The following ELMO1 variants were observed in gnomAD, a reference collection of about 807,000 sequenced individuals.
ELMO1 encodes engulfment and cell motility 1, also known as engulfment and cell motility protein 1.
In ELMO1, 26 loss-of-function variants were observed where a neutral mutation model predicts 98.9. That is an observed-to-expected ratio of 0.26 (90% CI 0.19 to 0.36). The LOEUF is 0.36. Ranked by LOEUF, ELMO1 falls within the 10% of genes least tolerant of loss-of-function variation. ELMO1 has a pLI of 1.00. For synonymous variants in ELMO1, 346 were observed against 346.0 expected (o/e 1.00, Z 0.00); for missense variants, 627 against 935.2 (o/e 0.67, Z 4.30).
At chr7:36,856,423 T>G (rs1265040666) in intron 21 of ELMO1, among the ~76,000 whole-genome samples, 4 of 152,236 alleles carry the variant, frequency 2.6e-5, no homozygotes, top group Non-Finnish European at 4.4e-5. Flanking sequence ...TCTGGGGACC[T>G]CTTTAGCCTT....
intron 1 of ELMO1, among the ~76,000 whole-genome samples, chr7:37,431,459 T>C (rs181306297): frequency 6.6e-6 from 1 of 152,346 alleles, no homozygotes. Flanking sequence ...AAATTTCTAC[T>C]TGATGTGTAT....
At chr7:37,155,838 C>G (rs1788722876) in intron 13 of ELMO1, among the ~76,000 whole-genome samples, 2 of 152,282 alleles carry the variant, frequency 1.3e-5, no homozygotes, top group South Asian at 2.1e-4. Context: ...TAGACATTTA[C>G]AGAACTCTCC....
At chr7:37,119,368 A>G (rs1419541032) in intron 14 of ELMO1, among the ~76,000 whole-genome samples, 1 of 152,222 alleles carries the variant, frequency 6.6e-6, no homozygotes, top group African/African-American at 2.4e-5. Context: ...GAACATAGTA[A>G]AGGCTCAAAA....
chr7:37,156,000 A>G (rs188589389), intron 13 of ELMO1, among the ~76,000 whole-genome samples: 344 of 152,366 alleles, frequency 2.3e-3, no homozygotes, highest in African/African-American at 7.6e-3. Flanking sequence ...CCATCAAATT[A>G]GAACTCAGGA....
At chr7:37,392,632 A>AG (rs1054081672) in intron 1 of ELMO1, among the ~76,000 whole-genome samples, 3 of 152,114 alleles carry the variant, frequency 2.0e-5, no homozygotes, top group African/African-American at 7.2e-5. Flanking sequence ...TATAGAATGG[A>AG]GAGATGGGGC....
intron 5 of ELMO1, among the ~76,000 whole-genome samples, chr7:37,268,698 T>C: frequency 6.6e-6 from 1 of 152,230 alleles, no homozygotes; most frequent in South Asian, 2.1e-4. Flanking sequence ...AGATGTACCA[T>C]GCAGTGGAGA....
intron 14 of ELMO1, among the ~76,000 whole-genome samples, chr7:37,098,609 G>A (rs1282001699): frequency 6.6e-6 from 1 of 152,170 alleles, no homozygotes; most frequent in African/African-American, 2.4e-5. Flanking sequence ...CAAAACATAT[G>A]CACTCAGTCT....
chr7:36,903,472 A>G (rs866142530), intron 16 of ELMO1, among the ~76,000 whole-genome samples: 1 of 152,256 alleles, frequency 6.6e-6, no homozygotes, highest in Non-Finnish European at 1.5e-5. Flanking sequence ...TGTTTAATTT[A>G]TGAATAATGG....
intron 13 of ELMO1, among the ~76,000 whole-genome samples, chr7:37,210,181 T>C (rs1366935232): frequency 6.6e-6 from 1 of 152,128 alleles, no homozygotes; most frequent in Non-Finnish European, 1.5e-5. Flanking sequence ...TGAAAACATA[T>C]CTCATACAAA....
chr7:37,376,323 T>A (rs1158726940), intron 1 of ELMO1, among the ~76,000 whole-genome samples: 1 of 152,176 alleles, frequency 6.6e-6, no homozygotes, highest in Non-Finnish European at 1.5e-5. Context: ...TAGACAAAGC[T>A]AACTATGGGA....
chr7:37,447,714 CCA>C (rs3054415), intron 1 of ELMO1, among the ~76,000 whole-genome samples: 4,987 of 132,136 alleles, frequency 0.038, 150 homozygotes, highest in African/African-American at 0.088. Context: ...CGCGCACACA[CCA>C]CACACACACA....
At chr7:36,934,592 T>C (rs1340921796) in intron 16 of ELMO1, among the ~76,000 whole-genome samples, 1 of 152,162 alleles carries the variant, frequency 6.6e-6, no homozygotes, top group Non-Finnish European at 1.5e-5. Flanking sequence ...GAAATGGAAA[T>C]GCAAACATGC....
At chr7:37,201,706 C>G (rs1367664932) in intron 13 of ELMO1, among the ~76,000 whole-genome samples, 5 of 152,222 alleles carry the variant, frequency 3.3e-5, no homozygotes, top group Non-Finnish European at 7.3e-5. Context: ...AATGTCCCAG[C>G]AGCTGGTCAG....
intron 1 of ELMO1, among the ~76,000 whole-genome samples, chr7:37,349,814 G>A (rs546494817): frequency 6.4e-4 from 97 of 152,302 alleles, no homozygotes; most frequent in South Asian, 1.0e-3. Context: ...AGGGGCCACC[G>A]AAATAGGCTT....
intron 6 of ELMO1, among the ~76,000 whole-genome samples, chr7:37,249,102 T>C (rs1378146616): frequency 6.6e-6 from 1 of 152,186 alleles, no homozygotes; most frequent in Non-Finnish European, 1.5e-5. Context: ...CAAGTGTGGG[T>C]GCTAGGGAAC....
chr7:37,076,247 C>T (rs1215915005), intron 15 of ELMO1, among the ~76,000 whole-genome samples: 2 of 151,938 alleles, frequency 1.3e-5, no homozygotes, highest in Non-Finnish European at 2.9e-5. Context: ...ATTTTTTTTC[C>T]TATTTCTTGA....
In ELMO1 at chr7:37,392,485, G is replaced by C. The variant is rs757420945; in HGVS notation, c.-73-49722C>G. 2.6e-5 allele frequency among the ~76,000 whole-genome samples: 4 copies of C among 152,238 alleles called. No individual in the cohort carries two copies. The East Asian group carries it at 7.7e-4, about 29-fold the overall frequency. ...ATTCGCATATCTAAAGCATGAGCAC[G>C]TCAGTCAGAAGCAGAGGTGGCCAAC... On this transcript the variant is annotated intron_variant, in intron 1 of 21. Transcript: ENST00000310758.
At chr7:37,259,143 G>C (rs372831705) in intron 6 of ELMO1, 38 bp downstream of exon 6, 1 of 1,579,026 alleles carries the variant, frequency 6.3e-7, no homozygotes. Context: ...GCGGAGACAC[G>C]CAGGACAGCT....
intron 15 of ELMO1, among the ~76,000 whole-genome samples, chr7:37,019,852 A>C (rs1418376191): frequency 6.6e-6 from 1 of 152,224 alleles, no homozygotes; most frequent in Non-Finnish European, 1.5e-5. Flanking sequence ...TTCAGGACTG[A>C]GGGTACAATT....
Sources: gnomAD v4.1 joint callset for allele counts (sites outside exome capture counted in the v4.1 genomes callset) on GRCh38, gnomAD v4.1.1 for gene constraint, MANE v1.5 for transcripts, NCBI Gene and HGNC (gene_info 2026-07-23, HGNC 2026-07-21) for gene names.